Variants in TAFA5 observed in about 807,000 individuals in gnomAD.
TAFA5 encodes the protein chemokine-like protein TAFA-5.
A neutral mutation model predicts 15.3 loss-of-function variants in TAFA5; 6 were observed. The ratio of observed to expected loss-of-function variants is 0.39; its 90% CI spans 0.21 to 0.77. The LOEUF is 0.77. Ranked by LOEUF, TAFA5 falls within the 30% of genes least tolerant of loss-of-function variation. The pLI is 0.41. For missense variants in TAFA5, 161 were observed against 193.1 expected, an observed-to-expected ratio of 0.83 and a Z score of 0.98; for synonymous variants, 103 against 80.7, an observed-to-expected ratio of 1.28 and a Z score of -1.48.
intron 1 of TAFA5, among the ~76,000 whole-genome samples, chr22:48,515,657 A>G (rs1358510279): frequency 2.0e-5 from 3 of 152,084 alleles, no homozygotes; most frequent in Non-Finnish European, 4.4e-5. Context: ...CTGAGGCCTC[A>G]TTGCACCCGG....
At chr22:48,495,101 G>A (rs1183975953) in intron 1 of TAFA5, among the ~76,000 whole-genome samples, 1 of 152,186 alleles carries the variant, frequency 6.6e-6, no homozygotes, top group African/African-American at 2.4e-5. Flanking sequence ...CCCTGGAAGA[G>A]GCCTCCCTGT....
At chr22:48,677,539 C>G (rs1368767569) in intron 2 of TAFA5, among the ~76,000 whole-genome samples, 1 of 152,228 alleles carries the variant, frequency 6.6e-6, no homozygotes, top group African/African-American at 2.4e-5. Context: ...GGAATAGACC[C>G]AGCAGCAACG....
chr22:48,699,749 C>T (rs1032742320), intron 2 of TAFA5, among the ~76,000 whole-genome samples: 1 of 152,170 alleles, frequency 6.6e-6, no homozygotes, highest in Non-Finnish European at 1.5e-5. Context: ...GAGCTTTAAA[C>T]GGGAATAATC....
intron 1 of TAFA5, among the ~76,000 whole-genome samples, chr22:48,599,526 G>A (rs1460101742): frequency 6.6e-6 from 1 of 152,274 alleles, no homozygotes; most frequent in Non-Finnish European, 1.5e-5. Context: ...GGCACAGAGA[G>A]AGCGTGACTG....
At chr22:48,577,337 A>T (rs912172265) in intron 1 of TAFA5, among the ~76,000 whole-genome samples, 2 of 152,132 alleles carry the variant, frequency 1.3e-5, no homozygotes, top group African/African-American at 4.8e-5. Flanking sequence ...ACACTCCTGG[A>T]AACTTCCTGG....
rs1923425429 is a variant in TAFA5, at chr22:48,566,890, GATTT to G, written c.112+77188_112+77191del. Reference sequence around the variant, plus strand: ...AGTTTGCTCACCACTGTGGTTTCATGATTTACGCCTGGGGCCGTCAGTGGGTTGG... The same window carrying G: ...AGTTTGCTCACCACTGTGGTTTCATGACGCCTGGGGCCGTCAGTGGGTTGG... On this transcript the variant is annotated intron_variant, in intron 1 of 3. Transcript: ENST00000402357. The surrounding 1 kb of genome is among the most constrained non-coding windows in gnomAD (Gnocchi z 4.5). 6.6e-6 allele frequency among the ~76,000 whole-genome samples: 1 copy of G among 152,210 alleles called. No homozygotes were observed. The highest frequency in any genetic ancestry group is 2.1e-4 in the South Asian group (1 of 4,822).
chr22:48,513,466 C>T (rs922984214), intron 1 of TAFA5, among the ~76,000 whole-genome samples: 9 of 152,212 alleles, frequency 5.9e-5, no homozygotes, highest in African/African-American at 1.7e-4. Context: ...AAGAGCCCCC[C>T]CAATAGAAGG....
At chr22:48,516,955 G>A (rs1921428619) in intron 1 of TAFA5, among the ~76,000 whole-genome samples, 1 of 152,136 alleles carries the variant, frequency 6.6e-6, no homozygotes, top group Non-Finnish European at 1.5e-5. Context: ...TTTATTTTTC[G>A]CATAGTTAAA....
chr22:48,576,260 C>T (rs1230852276), intron 1 of TAFA5: 2 of 638,154 alleles, frequency 3.1e-6, no homozygotes, highest in Non-Finnish European at 2.2e-6. Context: ...CCCGCCCCCT[C>T]CGCGGCGCCC....
intron 1 of TAFA5, among the ~76,000 whole-genome samples, chr22:48,585,899 A>G (rs1469037763): frequency 6.6e-6 from 1 of 152,126 alleles, no homozygotes; most frequent in East Asian, 1.9e-4. Flanking sequence ...ACACACAGCC[A>G]AACATCATAA....
At chr22:48,655,830 CTTTTTTTTTTTTTTTT>C (rs1197219539) in intron 2 of TAFA5, among the ~76,000 whole-genome samples, 1 of 62,410 alleles carries the variant, frequency 1.6e-5, no homozygotes, top group Non-Finnish European at 2.9e-5. Context: ...AACACTGATT[CTTTTTTTTTTTTTTTT>C]TTTTTTTTTT....
rs150219165 is a variant in TAFA5, at chr22:48,664,556, A to G, written c.262+17810A>G. Among the ~76,000 whole-genome samples, 772 of 152,334 alleles carry G rather than the reference A, an allele frequency of 5.1e-3. 9 individuals are homozygous for G. The highest frequency in any genetic ancestry group is 0.017 in the African/African-American group (713 of 41,562). The stretch of plus-strand genomic sequence containing the variant: ...AAAAATATTTCATTGACACATCTAT[A>G]CAGGCAAATTGGAAATTGTAAGTGC... On this transcript the variant is annotated intron_variant, in intron 2 of 3. Transcript: ENST00000402357.
chr22:48,583,282 A>G (rs1438695476), intron 1 of TAFA5, among the ~76,000 whole-genome samples: 1 of 149,722 alleles, frequency 6.7e-6, no homozygotes, highest in African/African-American at 2.5e-5. Context: ...CACACCACAC[A>G]CAAAATACAC....
chr22:48,749,176 AC>A, intron 3 of TAFA5, among the ~76,000 whole-genome samples: 1 of 152,030 alleles, frequency 6.6e-6, no homozygotes, highest in East Asian at 1.9e-4. Flanking sequence ...AGCACCAGAA[AC>A]CCCTAGGGGG....
Position 48,646,751 on chromosome 22 carries a change from G to T in TAFA5, c.262+5G>T, listed in dbSNP as rs1387336952. ...CCCGGCCCGCCTGTGTGGACGGTAA[G>T]CACCCGTGGCCCCAGGACCCCTCCG... On this transcript the variant is annotated splice_donor_5th_base_variant and intron_variant, in intron 2 of 3. Coordinates refer to ENST00000402357, the MANE Select transcript of TAFA5 (RefSeq NM_001082967.3). 6.4e-7 allele frequency: 1 copy of T among 1,568,020 alleles called. No individual in the cohort carries two copies.
At chr22:48,609,970 G>A (rs1045290923) in intron 1 of TAFA5, among the ~76,000 whole-genome samples, 11 of 152,188 alleles carry the variant, frequency 7.2e-5, no homozygotes, top group Non-Finnish European at 1.6e-4. Flanking sequence ...AATGGCCCTC[G>A]CCTAACTTGA....
rs187084766 is a variant in TAFA5 at position 48,493,603 on chromosome 22, T to G, written c.112+3899T>G. 4.6e-3 allele frequency among the ~76,000 whole-genome samples: 700 copies of G among 152,338 alleles called. 5 individuals are homozygous for G. The highest frequency in any genetic ancestry group is 0.016 in the African/African-American group (680 of 41,574). The stretch of plus-strand genomic sequence containing the variant: ...GCCGTTCAGAAGTTTATTTCTCATC[T>G]TTTTTTGAAAAAATTCTCACTGTGT... On this transcript the variant is annotated intron_variant, in intron 1 of 3. Coordinates refer to ENST00000402357, the MANE Select transcript of TAFA5 (RefSeq NM_001082967.3).
At chr22:48,558,044 C>G (rs926833938) in intron 1 of TAFA5, among the ~76,000 whole-genome samples, 2 of 152,174 alleles carry the variant, frequency 1.3e-5, no homozygotes, top group African/African-American at 4.8e-5. Context: ...TTTCCCTCCC[C>G]TGTCTCCTTT....
intron 1 of TAFA5, among the ~76,000 whole-genome samples, chr22:48,636,879 T>C (rs1926469022): frequency 1.3e-5 from 2 of 152,328 alleles, no homozygotes; most frequent in South Asian, 4.1e-4. Flanking sequence ...AGCCTCAGTG[T>C]AGGGCAGAGT....
Sources: gnomAD v4.1 joint callset for allele counts (sites outside exome capture counted in the v4.1 genomes callset) on GRCh38, gnomAD v4.1.1 for gene constraint, Gnocchi (gnomAD v3.1) non-coding constraint, MANE v1.5 for transcripts, NCBI Gene and HGNC (gene_info 2026-07-23, HGNC 2026-07-21) for gene names.